The following SCN2A variants were observed in gnomAD, a reference collection of about 807,000 sequenced individuals.
SCN2A encodes sodium channel protein type 2 subunit alpha.
SCN2A carries 20 observed loss-of-function variants against 188.7 expected under a neutral mutation model. The ratio of observed to expected loss-of-function variants is 0.11; its 90% CI spans 0.07 to 0.15. The LOEUF is 0.15. Among genes scored for constraint, SCN2A ranks in the 10% least tolerant of loss-of-function variants. The probability of loss-of-function intolerance (pLI) is 1.00; values close to 1 mark genes in which losing one functional copy is unlikely to be tolerated. For synonymous variants in SCN2A, 804 were observed against 833.1 expected (o/e 0.97, Z 0.60); for missense variants, 1,278 against 2,445.0 (o/e 0.52, Z 10.07).
At chr2:165,340,868 A>T (rs1237263215) in intron 14 of SCN2A, among the ~76,000 whole-genome samples, 6 of 152,300 alleles carry the variant, frequency 3.9e-5, no homozygotes, top group East Asian at 3.9e-4. Flanking sequence ...TGTTTAAAAA[A>T]TTTCGTTTGG....
intron 1 of SCN2A, chr2:165,293,868 GGT>G: frequency 2.0e-6 from 2 of 984,926 alleles, no homozygotes; most frequent in Non-Finnish European, 2.4e-6. Flanking sequence ...ACGCTGTGAA[GGT>G]GTTTCTCTTC....
At chr2:165,267,307 A>G (rs1413999075) in intron 1 of SCN2A, 2 of 152,024 alleles carry the variant, frequency 1.3e-5, no homozygotes, top group Admixed American at 6.6e-5. Flanking sequence ...CAGCACACAA[A>G]TGGAACAGAA....
intron 1 of SCN2A, among the ~76,000 whole-genome samples, chr2:165,256,737 A>G (rs2106078458): frequency 6.6e-6 from 1 of 152,308 alleles, no homozygotes; most frequent in Middle Eastern, 3.4e-3. Context: ...AGTATATCCT[A>G]AAATTAAAAT....
Position 165,310,462 on chromosome 2 carries a change from G to A in SCN2A, c.837G>A (p.Leu279=), listed in dbSNP as rs776892826. 37 of 1,613,464 alleles carry A rather than the reference G, an allele frequency of 2.3e-5. No homozygotes were observed. The East Asian group carries it at 8.0e-4, about 35-fold the overall frequency. ...LFMGNLRNKC[L]QWPPDNSSFE... ...TGGGCAACCTACGAAATAAATGTTT[G>A]CAATGGCCTCCAGATAATTCTTCCT... Residue 279 remains leucine (L), a synonymous_variant, in exon 7 of 27, where the codon TTG becomes TTA. Transcript: ENST00000375437.
intron 14 of SCN2A, among the ~76,000 whole-genome samples, chr2:165,341,016 T>C (rs1293246137): frequency 3.3e-5 from 5 of 152,176 alleles, no homozygotes; most frequent in Non-Finnish European, 7.4e-5. Context: ...AAGGAAAGGA[T>C]AGATGGTGGC....
intron 21 of SCN2A, among the ~76,000 whole-genome samples, chr2:165,373,974 A>G (rs1474459812): frequency 1.3e-5 from 2 of 152,066 alleles, no homozygotes; most frequent in African/African-American, 2.4e-5. Flanking sequence ...TTTTAAAAAA[A>G]TGATACTTTT....
chr2:165,355,068 A>G (rs1700113327), intron 17 of SCN2A, among the ~76,000 whole-genome samples: 1 of 152,172 alleles, frequency 6.6e-6, no homozygotes, highest in South Asian at 2.1e-4. Flanking sequence ...TCATCTTGCT[A>G]TGTTCTTAGT....
At chr2:165,329,623 T>C (rs896324340) in intron 13 of SCN2A, among the ~76,000 whole-genome samples, 6 of 152,216 alleles carry the variant, frequency 3.9e-5, no homozygotes, top group Admixed American at 1.3e-4. Flanking sequence ...TCTATCCAGT[T>C]CCTGTTTGCT....
intron 19 of SCN2A, among the ~76,000 whole-genome samples, chr2:165,369,099 T>C (rs968488489): frequency 1.3e-5 from 2 of 152,104 alleles, no homozygotes; most frequent in African/African-American, 4.8e-5. Context: ...CTAATTTTTG[T>C]ACTTTTAGTA....
At chr2:165,376,031 C>T (rs1701296208) in intron 22 of SCN2A, among the ~76,000 whole-genome samples, 1 of 151,734 alleles carries the variant, frequency 6.6e-6, no homozygotes, top group African/African-American at 2.4e-5. Context: ...AGCAGAATGA[C>T]AATCACCAGG....
rs1207953598 is a variant in SCN2A, at chr2:165,380,600, A to G, written c.4317A>G (p.Leu1439=). The G allele has an allele frequency of 6.3e-7, 1 of 1,581,200 alleles. No individual in the cohort carries two copies. The highest frequency in any genetic ancestry group is 8.7e-7 in the Non-Finnish European group (1 of 1,151,228). The change falls in exon 24 of 27, where the codon TTA becomes TTG. Residue 1439 remains leucine, a synonymous_variant. Coordinates refer to ENST00000375437, the MANE Select transcript of SCN2A (RefSeq NM_001040142.2). ...YAAVDSRNVE[L]QPKYEDNLYM... ...TTCTTCATATTCTTTAGGTAGAATT[A>G]CAACCCAAGTATGAAGACAACCTGT...
rs796053201 is a variant in SCN2A, at chr2:165,315,613, A to G, written c.1526A>G (p.Lys509Arg). Residue 509 changes from lysine (K) to arginine (R), a missense_variant, in exon 11 of 27, where the codon AAA becomes AGA. Around this residue, in one of 17 missense-constraint regions of SCN2A, gnomAD observed 315 missense variants for 386.6 expected, o/e 0.81. Coordinates refer to ENST00000375437, the MANE Select transcript of SCN2A (RefSeq NM_001040142.2). ...CTGAAAAACAGAAGAAAGAAAAAGAAACAGAAAGAACAGTCTGGAGAAGAA... is the reference window on the plus strand; with the variant it reads ...CTGAAAAACAGAAGAAAGAAAAAGAGACAGAAAGAACAGTCTGGAGAAGAA... Reference protein sequence around the residue: ...KELKNRRKKKKQKEQSGEEEK... With the variant: ...KELKNRRKKKRQKEQSGEEEK... The G allele has an allele frequency of 1.3e-5, 21 of 1,613,966 alleles. No individual in the cohort carries two copies. The highest frequency in any genetic ancestry group is 1.8e-5 in the Non-Finnish European group (21 of 1,179,988).
chr2:165,352,475 A>G (rs900789640), intron 16 of SCN2A, among the ~76,000 whole-genome samples: 1 of 152,168 alleles, frequency 6.6e-6, no homozygotes, highest in Non-Finnish European at 1.5e-5. Flanking sequence ...ATATAGCAAG[A>G]ATGTAGAATC....
At chr2:165,369,867 A>G (rs1490731043) in intron 19 of SCN2A, among the ~76,000 whole-genome samples, 1 of 152,200 alleles carries the variant, frequency 6.6e-6, no homozygotes, top group Non-Finnish European at 1.5e-5. Context: ...AGCAGCTGGC[A>G]GTCTCTCAAA....
intron 25 of SCN2A, among the ~76,000 whole-genome samples, chr2:165,382,037 T>C (rs946607111): frequency 3.3e-5 from 5 of 152,060 alleles, no homozygotes; most frequent in African/African-American, 1.2e-4. Flanking sequence ...GATAGCTATA[T>C]TGGGTCAAAC....
rs1289206210 is a variant in SCN2A at position 165,386,994 on chromosome 2, G to A, written c.4800G>A (p.Val1600=). The A allele has an allele frequency of 1.2e-6, 2 of 1,613,628 alleles. No homozygotes were observed. Among genetic ancestry groups the A allele is most frequent in the Admixed American group, 1.7e-5 (1 of 59,966 alleles). The change falls in exon 26 of 27, where the codon GTG becomes GTA. Residue 1600 remains valine (V), a synonymous_variant. Transcript: ENST00000375437. The stretch of plus-strand genomic sequence containing the variant: ...TTGGATGGAATATTTTTGATTTTGT[G>A]GTGGTCATTCTCTCCATTGTAGGTA... ...FTIGWNIFDF[V]VVILSIVGMF...
rs534116013 is a variant in SCN2A at position 165,327,139 on chromosome 2, C to T, written c.2149+155C>T. The T allele has an allele frequency of 1.5e-4, 139 of 906,464 alleles. No individual in the cohort carries two copies. The East Asian group carries it at 3.8e-3, about 25-fold the overall frequency. The allele number at this position is 906,464 out of a possible 1,614,324, so 56.2% of individuals were successfully genotyped here. A position where few individuals can be genotyped will look rare whatever the true frequency, so the allele number is the denominator to read the frequency against. On this transcript the variant is annotated intron_variant, in intron 13 of 26. Coordinates refer to ENST00000375437, the MANE Select transcript of SCN2A (RefSeq NM_001040142.2). ...AAAATCCGTGCATAACTCATGGATTCTATTATCTTCCACAGATTTTTTTTT... is the reference window on the plus strand; with the variant it reads ...AAAATCCGTGCATAACTCATGGATTTTATTATCTTCCACAGATTTTTTTTT...
intron 15 of SCN2A, among the ~76,000 whole-genome samples, chr2:165,344,115 T>G (rs1699445145): frequency 6.6e-6 from 1 of 152,274 alleles, no homozygotes; most frequent in East Asian, 1.9e-4. Flanking sequence ...CTTAATTCCT[T>G]AAGGAGAAAC....
chr2:165,291,521 T>TTCC (rs1559340528), intron 1 of SCN2A, among the ~76,000 whole-genome samples: 9 of 69,250 alleles, frequency 1.3e-4, no homozygotes, highest in African/African-American at 4.6e-4. Context: ...CTTCCTCTCC[T>TTCC]TTCTTTCCTT....
Sources: allele counts gnomAD v4.1 joint callset (sites outside exome capture counted in the v4.1 genomes callset), GRCh38; gene constraint gnomAD v4.1.1; regional missense constraint gnomAD v4.1.1; transcripts MANE v1.5; gene names NCBI Gene and HGNC (gene_info 2026-07-23, HGNC 2026-07-21).